The following FMNL2 variants were observed in gnomAD, a reference collection of about 807,000 sequenced individuals.
The protein encoded by FMNL2 is formin like 2.
In FMNL2, 51 loss-of-function variants were observed where a neutral mutation model predicts 130.2. The ratio of observed to expected loss-of-function variants is 0.39; its 90% CI spans 0.31 to 0.49. The LOEUF is 0.49. Ranked by LOEUF, FMNL2 falls within the 20% of genes least tolerant of loss-of-function variation. The pLI, the probability that FMNL2 is intolerant of heterozygous loss-of-function variation, is 0.85. For synonymous variants in FMNL2, 465 were observed against 467.1 expected, an observed-to-expected ratio of 1.00 and a Z score of 0.06; for missense variants, 977 against 1,316.2, an observed-to-expected ratio of 0.74 and a Z score of 3.99.
At chr2:152,558,113 T>A (rs1405657139) in intron 4 of FMNL2, among the ~76,000 whole-genome samples, 1 of 152,190 alleles carries the variant, frequency 6.6e-6, no homozygotes, top group Non-Finnish European at 1.5e-5. Context: ...ATGAATTTTT[T>A]AAAAAACCTG....
chr2:152,481,336 A>G (rs1268573213), intron 1 of FMNL2, among the ~76,000 whole-genome samples: 1 of 152,220 alleles, frequency 6.6e-6, no homozygotes. Flanking sequence ...TAACTGATTG[A>G]AGTTTGACCC....
intron 1 of FMNL2, among the ~76,000 whole-genome samples, chr2:152,459,000 A>G (rs930486075): frequency 4.6e-5 from 7 of 152,228 alleles, no homozygotes; most frequent in Admixed American, 6.5e-5. Flanking sequence ...GAGTCAGTCT[A>G]TGTCCCAGAG....
Position 152,593,898 on chromosome 2 carries a change from TGTGTGA to T in FMNL2, c.876+12851_876+12856del, listed in dbSNP as rs1235821041. Among the ~76,000 whole-genome samples, 425 of 78,036 alleles carry T rather than the reference TGTGTGA, an allele frequency of 5.4e-3. 3 individuals are homozygous for T. Among genetic ancestry groups the T allele is most frequent in the African/African-American group, 0.015 (347 of 23,106 alleles). 51.2% of individuals were successfully genotyped at this position (78,036 alleles called of 152,430 possible). ...GTGTGTGTGTGTGTGTGTGTGTGTG[TGTGTGA>T]GAGAGAGAGAGAGAGAGAGAGAGCG... is the stretch of plus-strand genomic sequence containing the variant. On this transcript the variant is annotated intron_variant, in intron 9 of 25. Coordinates refer to ENST00000288670, the MANE Select transcript of FMNL2 (RefSeq NM_052905.4).
intron 9 of FMNL2, among the ~76,000 whole-genome samples, chr2:152,595,908 A>G (rs1306656580): frequency 6.6e-6 from 1 of 151,704 alleles, no homozygotes; most frequent in Non-Finnish European, 1.5e-5. Flanking sequence ...ATCCAACCTG[A>G]TAAGTACCAG....
chr2:152,335,364 C>G lies in FMNL2; in HGVS notation c.-240C>G, dbSNP rs1460573479. 1 of 247,476 alleles carries G rather than the reference C, an allele frequency of 4.0e-6. No homozygotes were observed. Among genetic ancestry groups the G allele is most frequent in the Non-Finnish European group, 7.6e-6 (1 of 131,886 alleles). The allele number at this position is 247,476 out of a possible 1,614,324, so 15.3% of individuals were successfully genotyped here. Reference sequence around the variant, plus strand: ...CGCCCAGCGCCCCAACTACCCCTCCCGAGGAAAAGAGGCCGGGGCCGCGCT... The same window carrying G: ...CGCCCAGCGCCCCAACTACCCCTCCGGAGGAAAAGAGGCCGGGGCCGCGCT... On this transcript the variant is annotated 5_prime_UTR_variant, in exon 1 of 26. Coordinates refer to ENST00000288670, the MANE Select transcript of FMNL2 (RefSeq NM_052905.4).
chr2:152,479,068 A>G (rs1048098270), intron 1 of FMNL2, among the ~76,000 whole-genome samples: 1 of 152,234 alleles, frequency 6.6e-6, no homozygotes, highest in Non-Finnish European at 1.5e-5. Flanking sequence ...GATAAATTTT[A>G]GAAAACCTTC....
In FMNL2 at chr2:152,648,992, C is replaced by G. The variant is rs142742974; in HGVS notation, c.*1087C>G. On this transcript the variant is annotated 3_prime_UTR_variant, in exon 26 of 26. Coordinates refer to ENST00000288670, the MANE Select transcript of FMNL2 (RefSeq NM_052905.4). ...CTAAGCCACTGTTATTTTCCTTCCT[C>G]TCTGGCAGGGCACTTGATCCATTCC... 1 of 152,640 alleles carries G rather than the reference C, an allele frequency of 6.6e-6. No homozygotes were observed. The allele number at this position is 152,640 out of a possible 1,614,324, so 9.5% of individuals were successfully genotyped here.
chr2:152,477,664 G>A (rs1363486961), intron 1 of FMNL2, among the ~76,000 whole-genome samples: 1 of 152,114 alleles, frequency 6.6e-6, no homozygotes, highest in Non-Finnish European at 1.5e-5. Flanking sequence ...AATAGGTGAG[G>A]TTCTTATATA....
intron 1 of FMNL2, among the ~76,000 whole-genome samples, chr2:152,460,941 A>G (rs1485393484): frequency 1.3e-5 from 2 of 152,200 alleles, no homozygotes; most frequent in Admixed American, 6.5e-5. Flanking sequence ...TAAAGCACAC[A>G]ATGAATGTAA....
At chr2:152,456,895 G>A (rs1216178233) in intron 1 of FMNL2, among the ~76,000 whole-genome samples, 1 of 145,960 alleles carries the variant, frequency 6.9e-6, no homozygotes. Context: ...CCAAGATTGC[G>A]CCACTACACT....
At chr2:152,575,590 C>T in intron 7 of FMNL2, among the ~76,000 whole-genome samples, 1 of 152,118 alleles carries the variant, frequency 6.6e-6, no homozygotes, top group Non-Finnish European at 1.5e-5. Flanking sequence ...TAATTCTTTG[C>T]TCTCATATTT....
chr2:152,383,623 T>A (rs1684620820), intron 1 of FMNL2, among the ~76,000 whole-genome samples: 1 of 152,108 alleles, frequency 6.6e-6, no homozygotes, highest in Admixed American at 6.5e-5. Flanking sequence ...AATAATGGCA[T>A]AATTATAATA....
At chr2:152,429,654 A>G (rs1353003243) in intron 1 of FMNL2, among the ~76,000 whole-genome samples, 1 of 149,252 alleles carries the variant, frequency 6.7e-6, no homozygotes, top group African/African-American at 2.5e-5. Flanking sequence ...TGTGGCATCT[A>G]TCTTCAATTT....
intron 1 of FMNL2, among the ~76,000 whole-genome samples, chr2:152,399,423 G>A (rs948441924): frequency 6.6e-6 from 1 of 152,180 alleles, no homozygotes; most frequent in Admixed American, 6.5e-5. Context: ...TCTGGACGTG[G>A]GTGAGGAGCA....
chr2:152,335,952 C>A (rs1032880240), intron 1 of FMNL2, among the ~76,000 whole-genome samples: 18 of 151,888 alleles, frequency 1.2e-4, no homozygotes, highest in Admixed American at 5.2e-4. Context: ...GGGCCGGCTG[C>A]CCAACCAGCC....
At chr2:152,631,436 C>T (rs1467378387) in intron 20 of FMNL2, among the ~76,000 whole-genome samples, 2 of 147,870 alleles carry the variant, frequency 1.4e-5, no homozygotes, top group South Asian at 2.2e-4. Context: ...AAATAAAACA[C>T]GTTACTTGAA....
chr2:152,564,776 G>GTTTTT lies in FMNL2; in HGVS notation c.596+3759_596+3763dup, dbSNP rs56378937. On this transcript the variant is annotated intron_variant, in intron 6 of 25. Coordinates refer to ENST00000288670, the MANE Select transcript of FMNL2 (RefSeq NM_052905.4). ...CACTGCGTTCTAAAATACAAGGTTG[G>GTTTTT]TTTTTTTTTTTTTTTTTTTTTTAAC... Among the ~76,000 whole-genome samples, 272 of 79,328 alleles carry GTTTTT rather than the reference G, an allele frequency of 3.4e-3. 16 individuals carry two copies. Among genetic ancestry groups the GTTTTT allele is most frequent in the African/African-American group, 8.7e-3 (182 of 20,968 alleles). 52.0% of individuals were successfully genotyped at this position (79,328 alleles called of 152,430 possible).
At chr2:152,537,891 T>TACACAC (rs71394489) in intron 2 of FMNL2, among the ~76,000 whole-genome samples, 4 of 150,648 alleles carry the variant, frequency 2.7e-5, no homozygotes, top group East Asian at 1.9e-4. Flanking sequence ...ACCTTACACA[T>TACACAC]ACACACACAC....
At chr2:152,573,403 T>C (rs903779209) in intron 6 of FMNL2, among the ~76,000 whole-genome samples, 25 of 152,298 alleles carry the variant, frequency 1.6e-4, no homozygotes, top group African/African-American at 6.0e-4. Flanking sequence ...CAGCAGATTG[T>C]TGATGAGTCA....
Sources: gnomAD v4.1 joint callset for allele counts (sites outside exome capture counted in the v4.1 genomes callset) on GRCh38, gnomAD v4.1.1 for gene constraint, MANE v1.5 for transcripts, NCBI Gene and HGNC (gene_info 2026-07-23, HGNC 2026-07-21) for gene names.